The following TRIML1 variants were observed in gnomAD, a reference collection of about 807,000 sequenced individuals.
TRIML1 encodes the protein tripartite motif family like 1.
Under a neutral mutation model 32.3 loss-of-function variants are expected in TRIML1, and 34 were observed. That is an observed-to-expected ratio of 1.05 (90% confidence interval 0.80 to 1.40). The LOEUF (loss-of-function observed/expected upper bound fraction) is 1.40, where lower values mean the gene tolerates loss of function less well. TRIML1 is among the 40% of genes most tolerant of loss of function. TRIML1 has a pLI of 0.00. For synonymous variants in TRIML1, 244 were observed against 226.6 expected (o/e 1.08, Z -0.69); for missense variants, 595 against 574.9 (o/e 1.03, Z -0.36).
downstream of TRIML1, among the ~76,000 whole-genome samples, chr4:188,150,386 C>T (rs187909386): frequency 7.8e-3 from 1,181 of 152,264 alleles, 16 homozygotes; most frequent in African/African-American, 0.027. Flanking sequence ...GCCTCAGCCT[C>T]CCAAAGTGCT....
chr4:188,150,186 C>A (rs1447830096), downstream of TRIML1, among the ~76,000 whole-genome samples: 3 of 151,848 alleles, frequency 2.0e-5, no homozygotes, highest in Non-Finnish European at 4.4e-5. Context: ...AGTGAAGTGG[C>A]ATGATCTCGG....
chr4:188,148,828 C>G (rs1488563226), downstream of TRIML1, among the ~76,000 whole-genome samples: 1 of 151,122 alleles, frequency 6.6e-6, no homozygotes, highest in African/African-American at 2.4e-5. Context: ...TCTTGAACCC[C>G]TGACCTCAGG....
chr4:188,140,451 G>C (rs114125342), intron 1 of TRIML1, 77 bp from the exon 2 acceptor site: 1 of 1,154,490 alleles, frequency 8.7e-7, no homozygotes, highest in South Asian at 1.2e-5. Flanking sequence ...CTAGGACTGC[G>C]CAGTTACTGG....
At chr4:188,138,635 A>T (rs867744959), upstream of TRIML1, among the ~76,000 whole-genome samples, 1 of 152,156 alleles carries the variant, frequency 6.6e-6, no homozygotes. Context: ...ATGTCTGCAC[A>T]CTTCATTTCT....
At chr4:188,144,522 CT>C (rs1445560963) in intron 5 of TRIML1, among the ~76,000 whole-genome samples, 2 of 138,514 alleles carry the variant, frequency 1.4e-5, no homozygotes, top group Non-Finnish European at 3.3e-5. Context: ...GCCACCACGC[CT>C]GGGTAATTTT....
chr4:188,146,320 C>T (rs1193390247), intron 5 of TRIML1, among the ~76,000 whole-genome samples: 1 of 152,184 alleles, frequency 6.6e-6, no homozygotes, highest in African/African-American at 2.4e-5. Context: ...AGCTCCTTCT[C>T]CACGTGGCTC....
rs1553999430 is a variant in TRIML1 at position 188,140,521 on chromosome 4, A to AC, written c.409-7_409-6insC. The AC allele has an allele frequency of 3.4e-5, 55 of 1,611,936 alleles. No individual in the cohort carries two copies. The highest frequency in any genetic ancestry group is 1.6e-4 in the Middle Eastern group (1 of 6,078). On this transcript the variant is annotated splice_region_variant and splice_polypyrimidine_tract_variant and intron_variant, in intron 1 of 5. Transcript: ENST00000332517. ...CATTTGCCAGAAAGGGTTTGTTTCT[A>AC]TTGCAGGAGAAACTCCAGGAAATCC... is the stretch of plus-strand genomic sequence containing the variant.
In TRIML1 at chr4:188,142,438, C is replaced by T. The variant is rs1052242013; in HGVS notation, c.691C>T (p.Gln231Ter). Residue 231 changes from glutamine to a stop codon, truncating the protein, a stop_gained, in exon 3 of 6, where the codon CAG becomes TAG. Transcript: ENST00000332517. LOFTEE classifies it high-confidence loss of function. Reference sequence around the variant, plus strand: ...CAGAAGCCTAAGCAAAATGATCGCACAGATTGAGTCCTCAAGTCAAAGCTC... The same window carrying T: ...CAGAAGCCTAAGCAAAATGATCGCATAGATTGAGTCCTCAAGTCAAAGCTC... ...QIRSLSKMIA[Q>*]IESSSQSSAF... is the part of the protein sequence containing the mutation. 2.5e-6 allele frequency: 4 copies of T among 1,613,708 alleles called. No homozygotes were observed. The African/African-American group carries it at 5.3e-5, about 22-fold the overall frequency.
In TRIML1 at chr4:188,144,017, C is replaced by G. The variant is rs771722609; in HGVS notation, c.759-19C>G. On this transcript the variant is annotated intron_variant, in intron 4 of 5. Coordinates refer to ENST00000332517, the MANE Select transcript of TRIML1 (RefSeq NM_178556.5). ...CACGCGGTCTGTGCCGAGGAGTGAACCTCTCTGCTCTCTTGCAGGAGCGAG... is the reference window on the plus strand; with the variant it reads ...CACGCGGTCTGTGCCGAGGAGTGAAGCTCTCTGCTCTCTTGCAGGAGCGAG... 2 of 1,612,946 alleles carry G rather than the reference C, an allele frequency of 1.2e-6. No homozygotes were observed. Among genetic ancestry groups the G allele is most frequent in the South Asian group, 2.2e-5 (2 of 91,038 alleles).
rs58714915 is a variant in TRIML1, at chr4:188,141,165, G to GTTTTTTTTTTTTTTTTTTTTT, written c.504+561_504+562insTTTTTTTTTTTTTTTTTTTTT. 1.4e-4 allele frequency among the ~76,000 whole-genome samples: 17 copies of GTTTTTTTTTTTTTTTTTTTTT among 118,820 alleles called. 1 individual carries two copies. Among genetic ancestry groups the GTTTTTTTTTTTTTTTTTTTTT allele is most frequent in the East Asian group, 1.1e-3 (4 of 3,650 alleles). The allele number at this position is 118,820 out of a possible 152,430, so 78.0% of individuals were successfully genotyped here. A position where few individuals can be genotyped will look rare whatever the true frequency, so the allele number is the denominator to read the frequency against. ...ATTCTCCCAATAGACTTTGAAATCT[G>GTTTTTTTTTTTTTTTTTTTTT]TTTTTTTTTTTTTTTTTTTGGAGAT... On this transcript the variant is annotated intron_variant, in intron 2 of 5. Transcript: ENST00000332517.
chr4:188,144,930 A>C (rs1735013608), intron 5 of TRIML1, among the ~76,000 whole-genome samples: 1 of 152,184 alleles, frequency 6.6e-6, no homozygotes, highest in Admixed American at 6.5e-5. Flanking sequence ...CTTCAGAGGA[A>C]GAGGCCTAAT....
In TRIML1 at chr4:188,146,969, T is replaced by A. The variant is rs139768762; in HGVS notation, c.1004T>A (p.Ile335Asn). 45 of 1,558,402 alleles carry A rather than the reference T, an allele frequency of 2.9e-5. No homozygotes were observed. Among genetic ancestry groups the A allele is most frequent in the Admixed American group, 1.7e-4 (9 of 53,032 alleles). Residue 335 changes from isoleucine (I) to asparagine (N), a missense_variant, in exon 6 of 6, where the codon ATC (isoleucine) becomes AAC (asparagine). Physicochemically the swap from Ile to Asn is moderately radical, Grantham distance 149. Coordinates refer to ENST00000332517, the MANE Select transcript of TRIML1 (RefSeq NM_178556.5). Reference protein sequence around the residue: ...DQSATVLGTQIFTSGRHYWEV... With the variant: ...DQSATVLGTQNFTSGRHYWEV... ...TCTGCGACTGTGCTGGGTACTCAGA[T>A]CTTCACCAGTGGGAGACACTACTGG...
At chr4:188,138,141 A>G (rs1342626532), upstream of TRIML1, among the ~76,000 whole-genome samples, 2 of 152,104 alleles carry the variant, frequency 1.3e-5, no homozygotes, top group African/African-American at 4.8e-5. Flanking sequence ...GATGTATAGG[A>G]TTGAAACATT....
chr4:188,146,138 AT>A (rs1286033114), intron 5 of TRIML1, among the ~76,000 whole-genome samples: 1 of 152,146 alleles, frequency 6.6e-6, no homozygotes, highest in Non-Finnish European at 1.5e-5. Context: ...GATAAGTGCT[AT>A]TTTCTCTCCC....
In TRIML1 at chr4:188,140,624, G is replaced by A; in HGVS notation, c.504+1G>A. The A allele has an allele frequency of 6.2e-7, 1 of 1,611,178 alleles. No individual in the cohort carries two copies. The highest frequency in any genetic ancestry group is 8.5e-7 in the Non-Finnish European group (1 of 1,177,442). ...GAAGGAGAGAGTGAAACTGTGCCAG[G>A]TCGGTGTCTGTCTGACTTTTGCTGC... On this transcript the variant is annotated splice_donor_variant, in intron 2 of 5. Transcript: ENST00000332517. LOFTEE classifies it high-confidence loss of function.
rs911370256 is a variant in TRIML1 at position 188,140,471 on chromosome 4, C to T, written c.409-57C>T. The T allele has an allele frequency of 3.3e-5, 47 of 1,410,914 alleles. No individual in the cohort carries two copies. In the African/African-American group the frequency reaches 5.4e-4, roughly 16 times the overall value. The allele number at this position is 1,410,914 out of a possible 1,614,324, so 87.4% of individuals were successfully genotyped here. ...ACTGCGCAGTTACTGGTCTTCAAAG[C>T]CCCTTCATGACCTGGGACTCTGCTC... On this transcript the variant is annotated intron_variant, in intron 1 of 5. Coordinates refer to ENST00000332517, the MANE Select transcript of TRIML1 (RefSeq NM_178556.5).
At chr4:188,144,409 C>T (rs1362922415) in intron 5 of TRIML1, among the ~76,000 whole-genome samples, 2 of 148,910 alleles carry the variant, frequency 1.3e-5, no homozygotes, top group African/African-American at 2.5e-5. Context: ...GTGTCCCGGG[C>T]TGGAGCGCAG....
downstream of TRIML1, among the ~76,000 whole-genome samples, chr4:188,149,565 C>T (rs931441329): frequency 1.3e-5 from 2 of 152,116 alleles, no homozygotes; most frequent in Non-Finnish European, 2.9e-5. Flanking sequence ...CTTTCTCTTG[C>T]CACTCTATAC....
chr4:188,138,212 A>G (rs1420686742), upstream of TRIML1, among the ~76,000 whole-genome samples: 1 of 152,118 alleles, frequency 6.6e-6, no homozygotes, highest in East Asian at 1.9e-4. Context: ...GGAGGAAAAA[A>G]CATTCTCAGC....
Sources: gnomAD v4.1 joint callset for allele counts (sites outside exome capture counted in the v4.1 genomes callset) on GRCh38, gnomAD v4.1.1 for gene constraint, MANE v1.5 for transcripts, NCBI Gene and HGNC (gene_info 2026-07-23, HGNC 2026-07-21) for gene names.